RFX8: variants seen among roughly 807,000 people sequenced by gnomAD.
RFX8 encodes DNA-binding protein RFX8.
A neutral mutation model predicts 54.6 loss-of-function variants in RFX8; 46 were observed. That is an observed-to-expected ratio of 0.84 (90% confidence interval 0.67 to 1.08). RFX8 has a LOEUF of 1.08. Among genes scored for constraint, RFX8 ranks in the 50% least tolerant of loss-of-function variants. The probability of loss-of-function intolerance (pLI) is 0.00; values close to 1 mark genes in which losing one functional copy is unlikely to be tolerated. For synonymous variants in RFX8, 192 were observed against 209.5 expected (o/e 0.92, Z 0.72); for missense variants, 536 against 562.3 (o/e 0.95, Z 0.47).
Position 101,469,076 on chromosome 2 carries a change from AT to A in RFX8, c.-52-2177del, listed in dbSNP as rs1689791540. Among the ~76,000 whole-genome samples, 7 of 8,714 alleles carry A rather than the reference AT, an allele frequency of 8.0e-4. 1 individual carries two copies. Among genetic ancestry groups the A allele is most frequent in the African/African-American group, 4.3e-3 (7 of 1,634 alleles). The allele number at this position is 8,714 out of a possible 152,430, so 5.7% of individuals were successfully genotyped here. ...TATACGTATATATATGTATATATAT[AT>A]AAGTGTATATATATAAGTATATATA... On this transcript the variant is annotated intron_variant, in intron 1 of 11. Transcript: ENST00000428343.
chr2:101,413,119 A>AT (rs766345702), intron 7 of RFX8, 48 bp from the exon 8 acceptor site: 109 of 1,500,442 alleles, frequency 7.3e-5, no homozygotes, highest in Non-Finnish European at 9.4e-5. Flanking sequence ...TGGTCATTTT[A>AT]TTTTTGCCTA....
intron 2 of RFX8, among the ~76,000 whole-genome samples, chr2:101,460,813 T>C (rs1033628137): frequency 6.6e-6 from 1 of 151,734 alleles, no homozygotes; most frequent in Admixed American, 6.6e-5. Context: ...TCCTCTTTTC[T>C]GGCTCCAGGT....
At chr2:101,429,747 C>A (rs912295449) in intron 2 of RFX8, among the ~76,000 whole-genome samples, 2 of 152,142 alleles carry the variant, frequency 1.3e-5, no homozygotes, top group Non-Finnish European at 2.9e-5. Flanking sequence ...CATCCTCATG[C>A]CTGATGGTTT....
Position 101,429,124 on chromosome 2 carries a change from C to T in RFX8, c.73-6652G>A, listed in dbSNP as rs1424122255. On this transcript the variant is annotated intron_variant, in intron 2 of 11. Transcript: ENST00000428343. ...CAAGGTTATTTGTTTAGGGGTATAA[C>T]TTTTATTGAAAAACCCTCTGCCATG... The T allele has an allele frequency of 3.1e-5, 21 of 672,052 alleles. No homozygotes were observed. The East Asian group carries it at 4.6e-4, about 15-fold the overall frequency. 41.6% of individuals were successfully genotyped at this position (672,052 alleles called of 1,614,324 possible). A position where few individuals can be genotyped will look rare whatever the true frequency, so the allele number is the denominator to read the frequency against.
intron 2 of RFX8, among the ~76,000 whole-genome samples, chr2:101,430,267 C>T (rs1687412510): frequency 6.6e-6 from 1 of 152,192 alleles, no homozygotes; most frequent in African/African-American, 2.4e-5. Context: ...GAGCCAAAGG[C>T]AAATAATTTG....
chr2:101,434,676 G>A (rs899208391), intron 2 of RFX8, among the ~76,000 whole-genome samples: 20 of 152,236 alleles, frequency 1.3e-4, no homozygotes, highest in Admixed American at 4.6e-4. Flanking sequence ...AAGCAAGGAA[G>A]GGTGCAGTCC....
At chr2:101,411,507 G>GT (rs1157358011) in intron 8 of RFX8, among the ~76,000 whole-genome samples, 3 of 151,412 alleles carry the variant, frequency 2.0e-5, no homozygotes, top group Non-Finnish European at 4.4e-5. Flanking sequence ...CGGGGGAGGG[G>GT]GTGTCTCATG....
At chr2:101,400,943 C>T (rs1422684659) in intron 11 of RFX8, among the ~76,000 whole-genome samples, 1 of 152,220 alleles carries the variant, frequency 6.6e-6, no homozygotes, top group Non-Finnish European at 1.5e-5. Context: ...ACTGGGCCTT[C>T]TTTCTGCCAA....
chr2:101,445,612 A>G (rs1371227997), intron 2 of RFX8, among the ~76,000 whole-genome samples: 1 of 151,592 alleles, frequency 6.6e-6, no homozygotes, highest in Non-Finnish European at 1.5e-5. Flanking sequence ...TATTTTTTGA[A>G]GAGATGAGGG....
rs868472635 is a variant in RFX8, at chr2:101,399,781, G to A, written c.1246-2057C>T. On this transcript the variant is annotated intron_variant, in intron 11 of 11. Transcript: ENST00000428343. Reference sequence around the variant, plus strand: ...TTGTCCAGTGTTCTATCTAATAAGGGGAAGAAGTAGAATTTGAACCCAGAA... The same window carrying A: ...TTGTCCAGTGTTCTATCTAATAAGGAGAAGAAGTAGAATTTGAACCCAGAA... Among the ~76,000 whole-genome samples the A allele has an allele frequency of 7.4e-3, 1,127 of 152,244 alleles. 20 individuals are homozygous for A. Among genetic ancestry groups the A allele is most frequent in the African/African-American group, 0.025 (1,058 of 41,534 alleles).
chr2:101,465,625 C>G (rs924991322), intron 2 of RFX8, among the ~76,000 whole-genome samples: 3 of 152,122 alleles, frequency 2.0e-5, no homozygotes, highest in Non-Finnish European at 4.4e-5. Context: ...ATGATGATAA[C>G]AGTATGATAA....
intron 8 of RFX8, among the ~76,000 whole-genome samples, chr2:101,411,950 C>T (rs1445607504): frequency 3.3e-5 from 5 of 152,200 alleles, no homozygotes; most frequent in Non-Finnish European, 7.3e-5. Flanking sequence ...AGTCACGAAA[C>T]ACTGAAGTGC....
intron 9 of RFX8, among the ~76,000 whole-genome samples, chr2:101,407,249 T>C (rs772117332): frequency 1.3e-5 from 2 of 152,216 alleles, no homozygotes; most frequent in Non-Finnish European, 2.9e-5. Context: ...CACCAGAAGG[T>C]GGCCCTGAGC....
chr2:101,474,493 C>T (rs1021326970), intron 1 of RFX8, 143 bp downstream of exon 1: 6 of 341,308 alleles, frequency 1.8e-5, no homozygotes, highest in Non-Finnish European at 3.2e-5. Context: ...AGCTCCCCAA[C>T]CCCCGCGCCC....
intron 1 of RFX8, among the ~76,000 whole-genome samples, chr2:101,468,946 C>CAT (rs1393621531): frequency 4.2e-5 from 6 of 141,814 alleles, no homozygotes; most frequent in African/African-American, 1.6e-4. Flanking sequence ...GTGGCAGATT[C>CAT]ATATATATAG....
chr2:101,435,998 T>G (rs1451278596), intron 2 of RFX8, among the ~76,000 whole-genome samples: 1 of 152,062 alleles, frequency 6.6e-6, no homozygotes, highest in East Asian at 1.9e-4. Flanking sequence ...CCTCTCCAGG[T>G]GTCCAGTTAA....
rs576825960 is a variant in RFX8, at chr2:101,463,687, G to A, written c.72+3090C>T. ...CAAGGGGGCCCTGAACACCACCACC[G>A]GGAGACAGGGTCCGCCTGCCCCCAG... On this transcript the variant is annotated intron_variant, in intron 2 of 11. Transcript: ENST00000428343. Among the ~76,000 whole-genome samples the A allele has an allele frequency of 9.2e-5, 14 of 152,230 alleles. No homozygotes were observed. The East Asian group carries it at 2.1e-3, about 23-fold the overall frequency.
At position 101,452,293 on chromosome 2, in the gene RFX8, T is replaced by C. The variant is rs1490704888; in HGVS notation, c.72+14484A>G. On this transcript the variant is annotated intron_variant, in intron 2 of 11. Transcript: ENST00000428343. The stretch of plus-strand genomic sequence containing the variant: ...CTTTGGTAAGAGTTGTTATTTATAG[T>C]TTGTTTTGTTTTGCATTTTTTATCA... 1.8e-5 allele frequency: 12 copies of C among 674,472 alleles called. No individual in the cohort carries two copies. In the East Asian group the frequency reaches 3.6e-4, roughly 20 times the overall value. The allele number at this position is 674,472 out of a possible 1,614,324, so 41.8% of individuals were successfully genotyped here. A position where few individuals can be genotyped will look rare whatever the true frequency, so the allele number is the denominator to read the frequency against.
intron 6 of RFX8, among the ~76,000 whole-genome samples, chr2:101,415,992 G>A (rs1686480472): frequency 6.6e-6 from 1 of 152,246 alleles, no homozygotes. Flanking sequence ...GGGACAGCCT[G>A]TCTAGTGTTG....
Sources: gnomAD v4.1 joint callset for allele counts (sites outside exome capture counted in the v4.1 genomes callset) on GRCh38, gnomAD v4.1.1 for gene constraint, MANE v1.5 for transcripts, NCBI Gene and HGNC (gene_info 2026-07-23, HGNC 2026-07-21) for gene names.